The following GLG1 variants were observed in gnomAD, a reference collection of about 807,000 sequenced individuals.
The protein encoded by GLG1 is Golgi apparatus protein 1.
GLG1 carries 38 observed loss-of-function variants against 160.5 expected under a neutral mutation model. The observed-to-expected ratio is 0.24, with a 90% CI of 0.18 to 0.31. GLG1 has a LOEUF of 0.31. GLG1 is among the 10% of genes least tolerant of loss of function. The probability of loss-of-function intolerance (pLI) is 1.00; values close to 1 mark genes in which losing one functional copy is unlikely to be tolerated. For missense variants in GLG1, 1,373 were observed against 1,505.2 expected (o/e 0.91, Z 1.45); for synonymous variants, 644 against 543.4 (o/e 1.19, Z -2.57).
intron 8 of GLG1, among the ~76,000 whole-genome samples, chr16:74,489,497 C>G (rs1365704534): frequency 6.6e-6 from 1 of 151,856 alleles, no homozygotes; most frequent in Non-Finnish European, 1.5e-5. Context: ...AGGTTCATTC[C>G]TAACCCCCGC....
chr16:74,571,182 T>C (rs899149372), intron 1 of GLG1, among the ~76,000 whole-genome samples: 8 of 152,128 alleles, frequency 5.3e-5, no homozygotes, highest in South Asian at 2.1e-4. Flanking sequence ...GTTGCTTTTT[T>C]CACCCAACAA....
intron 9 of GLG1, among the ~76,000 whole-genome samples, chr16:74,484,151 A>G (rs1384814051): frequency 6.6e-6 from 1 of 152,048 alleles, no homozygotes; most frequent in Admixed American, 6.6e-5. Context: ...CCACACAGAA[A>G]GCTTTGAGGA....
intron 10 of GLG1, among the ~76,000 whole-genome samples, chr16:74,481,834 G>A (rs1397037961): frequency 6.6e-6 from 1 of 152,074 alleles, no homozygotes; most frequent in Non-Finnish European, 1.5e-5. Flanking sequence ...TCCCAGGCTG[G>A]AGGGCAGTGG....
rs776596896 is a variant in GLG1 at position 74,469,926 on chromosome 16, C to G, written c.2318+59G>C. On this transcript the variant is annotated intron_variant, in intron 16 of 25. Transcript: ENST00000422840. Reference sequence around the variant, plus strand: ...AGGGCTGCCTAACATCTCGCATACTCATTCCGGAGCTAAGAGGAACTTCGG... The same window carrying G: ...AGGGCTGCCTAACATCTCGCATACTGATTCCGGAGCTAAGAGGAACTTCGG... 4 of 1,074,008 alleles carry G rather than the reference C, an allele frequency of 3.7e-6. No homozygotes were observed. In the East Asian group the frequency reaches 7.1e-5, roughly 19 times the overall value. 66.5% of individuals were successfully genotyped at this position (1,074,008 alleles called of 1,614,324 possible).
intron 14 of GLG1, 103 bp from the exon 15 acceptor site, chr16:74,471,389 C>A: frequency 1.4e-6 from 1 of 698,368 alleles, no homozygotes; most frequent in Non-Finnish European, 2.6e-6. Flanking sequence ...TCTAGAAGCC[C>A]TCACAAAAAA....
chr16:74,603,916 A>G (rs1029416104), intron 1 of GLG1, among the ~76,000 whole-genome samples: 3 of 151,902 alleles, frequency 2.0e-5, no homozygotes, highest in African/African-American at 7.2e-5. Flanking sequence ...TGGCTATTAC[A>G]TCTATTATTT....
At position 74,451,851 on chromosome 16, in the gene GLG1, A is replaced by C; in HGVS notation, c.*1316T>G. ...GATGGCCAAGAATATTGCTTCTATA[A>C]AGCCCATATTCTGCAAAGGTTGATG... On this transcript the variant is annotated 3_prime_UTR_variant, in exon 26 of 26. Coordinates refer to ENST00000422840, the MANE Select transcript of GLG1 (RefSeq NM_001145667.2). The C allele has an allele frequency of 1.9e-6, 1 of 537,220 alleles. No homozygotes were observed. Among genetic ancestry groups the C allele is most frequent in the Non-Finnish European group, 3.4e-6 (1 of 295,978 alleles). 33.3% of individuals were successfully genotyped at this position (537,220 alleles called of 1,614,324 possible). A position where few individuals can be genotyped will look rare whatever the true frequency, so the allele number is the denominator to read the frequency against.
rs770327599 is a variant in GLG1 at position 74,503,528 on chromosome 16, T to C, written c.774+3A>G. 6.3e-6 allele frequency: 10 copies of C among 1,590,392 alleles called. No homozygotes were observed. In the Admixed American group the frequency reaches 1.5e-4, roughly 24 times the overall value. The stretch of plus-strand genomic sequence containing the variant: ...TTGTTGAAGCTAACGTAGTATTAGA[T>C]ACCTTTTCTCCAAGCCGAATACTGC... On this transcript the variant is annotated splice_donor_region_variant and intron_variant, in intron 4 of 25. Transcript: ENST00000422840.
Position 74,554,423 on chromosome 16 carries a change from A to C in GLG1, c.439-22270T>G, listed in dbSNP as rs565959994. Among the ~76,000 whole-genome samples, 20 of 152,346 alleles carry C rather than the reference A, an allele frequency of 1.3e-4. No individual in the cohort carries two copies. In the Middle Eastern group the frequency reaches 0.01, roughly 78 times the overall value. On this transcript the variant is annotated intron_variant, in intron 1 of 25. Transcript: ENST00000422840. Reference sequence around the variant, plus strand: ...GTGGTGGGCGCCTGTAACCCCAGGTACTCGGGAGGCTGAGGCAGGACAATC... The same window carrying C: ...GTGGTGGGCGCCTGTAACCCCAGGTCCTCGGGAGGCTGAGGCAGGACAATC...
chr16:74,564,072 C>T (rs2018582411), intron 1 of GLG1, among the ~76,000 whole-genome samples: 1 of 152,206 alleles, frequency 6.6e-6, no homozygotes, highest in African/African-American at 2.4e-5. Flanking sequence ...CAGCATGTGC[C>T]ACGAGGCCCG....
At chr16:74,572,674 C>T (rs572171554) in intron 1 of GLG1, among the ~76,000 whole-genome samples, 1 of 152,190 alleles carries the variant, frequency 6.6e-6, no homozygotes, top group African/African-American at 2.4e-5. Context: ...TGCACCTCTT[C>T]CAACTGGCTG....
In GLG1 at chr16:74,594,271, A is replaced by G. The variant is rs570521789; in HGVS notation, c.438+12386T>C. On this transcript the variant is annotated intron_variant, in intron 1 of 25. Coordinates refer to ENST00000422840, the MANE Select transcript of GLG1 (RefSeq NM_001145667.2). ...AGAATTTGTTTTATTTTACAAGTGT[A>G]TAGATCCAGGATTCAAGTCAGCACC... Among the ~76,000 whole-genome samples, 11 of 152,332 alleles carry G rather than the reference A, an allele frequency of 7.2e-5. No homozygotes were observed. The South Asian group carries it at 1.7e-3, about 23-fold the overall frequency.
chr16:74,583,827 G>A lies in GLG1; in HGVS notation c.438+22830C>T, dbSNP rs528920086. Among the ~76,000 whole-genome samples, 473 of 152,178 alleles carry A rather than the reference G, an allele frequency of 3.1e-3. 2 individuals are homozygous for A. Among genetic ancestry groups the A allele is most frequent in the Non-Finnish European group, 4.1e-3 (281 of 68,016 alleles). On this transcript the variant is annotated intron_variant, in intron 1 of 25. Coordinates refer to ENST00000422840, the MANE Select transcript of GLG1 (RefSeq NM_001145667.2). Reference sequence around the variant, plus strand: ...CTCACCATGGCTACGTCCTCCACTCGACCATGTCTTTTAGAAGGGGGAGCT... The same window carrying A: ...CTCACCATGGCTACGTCCTCCACTCAACCATGTCTTTTAGAAGGGGGAGCT...
chr16:74,516,665 C>T (rs2143533499), intron 2 of GLG1, among the ~76,000 whole-genome samples: 2 of 152,242 alleles, frequency 1.3e-5, no homozygotes, highest in Middle Eastern at 6.8e-3. Flanking sequence ...CAAGAGCAAA[C>T]AATTTCAAAA....
chr16:74,499,542 T>C (rs925110764), intron 4 of GLG1, among the ~76,000 whole-genome samples: 7 of 152,232 alleles, frequency 4.6e-5, no homozygotes, highest in African/African-American at 1.7e-4. Context: ...CTAGGAGCAA[T>C]AGGCTATACT....
rs1252686381 is a variant in GLG1, at chr16:74,562,190, A to T, written c.439-30037T>A. The stretch of plus-strand genomic sequence containing the variant: ...TTGTTTCACTGGACAAGTTGTAAAC[A>T]GTTAAGTAAGGTATTACAGACACAA... On this transcript the variant is annotated intron_variant, in intron 1 of 25. Coordinates refer to ENST00000422840, the MANE Select transcript of GLG1 (RefSeq NM_001145667.2). 2.0e-5 allele frequency among the ~76,000 whole-genome samples: 3 copies of T among 152,268 alleles called. No individual in the cohort carries two copies. The East Asian group carries it at 5.8e-4, about 29-fold the overall frequency.
intron 1 of GLG1, among the ~76,000 whole-genome samples, chr16:74,575,795 T>C (rs904779392): frequency 2.0e-5 from 3 of 152,158 alleles, no homozygotes; most frequent in African/African-American, 7.2e-5. Context: ...CATAGAGAAG[T>C]GGCAATATAT....
chr16:74,596,543 G>T (rs1484133573), intron 1 of GLG1, among the ~76,000 whole-genome samples: 1 of 152,052 alleles, frequency 6.6e-6, no homozygotes, highest in East Asian at 1.9e-4. Flanking sequence ...AAATTATTGT[G>T]ATATTATGCA....
At chr16:74,472,877 C>T (rs550415623) in intron 13 of GLG1, 3 of 251,260 alleles carry the variant, frequency 1.2e-5, no homozygotes, top group South Asian at 8.7e-5. Flanking sequence ...GAGAGAAACC[C>T]GTGCAACACT....
Sources: allele counts gnomAD v4.1 joint callset (sites outside exome capture counted in the v4.1 genomes callset), GRCh38; gene constraint gnomAD v4.1.1; transcripts MANE v1.5; gene names NCBI Gene and HGNC (gene_info 2026-07-23, HGNC 2026-07-21).